SLC26A6: variants seen among roughly 807,000 people sequenced by gnomAD.
The protein encoded by SLC26A6 is solute carrier family 26 member 6.
SLC26A6 carries 67 observed loss-of-function variants against 87.1 expected under a neutral mutation model. The ratio of observed to expected loss-of-function variants is 0.77; its 90% confidence interval spans 0.63 to 0.94. The LOEUF (loss-of-function observed/expected upper bound fraction) is 0.94, where lower values mean the gene tolerates loss of function less well. SLC26A6 is among the 40% of genes least tolerant of loss of function. The pLI is 0.00. For missense variants in SLC26A6, 902 were observed against 973.0 expected (o/e 0.93, Z 0.97); for synonymous variants, 414 against 405.9 (o/e 1.02, Z -0.24).
intron 17 of SLC26A6, 23 bp downstream of exon 17, chr3:48,627,920 ACCT>A: frequency 6.4e-7 from 1 of 1,573,972 alleles, no homozygotes. Flanking sequence ...CACAGCTGTC[ACCT>A]CCTTTCCCAC....
Position 48,628,850 on chromosome 3 carries a change from C to G in SLC26A6, c.1600-136G>C, listed in dbSNP as rs1345513553. 9.8e-7 allele frequency: 1 copy of G among 1,018,502 alleles called. No individual in the cohort carries two copies. The highest frequency in any genetic ancestry group is 1.5e-6 in the Non-Finnish European group (1 of 682,824). 63.1% of individuals were successfully genotyped at this position (1,018,502 alleles called of 1,614,324 possible). A position where few individuals can be genotyped will look rare whatever the true frequency, so the allele number is the denominator to read the frequency against. ...CTGCTCCCCAGGCTGCAGTCCAGGC[C>G]CTCCCAGGGGCTTAGGCCACAAGCC... On this transcript the variant is annotated intron_variant, in intron 14 of 20. Coordinates refer to ENST00000395550, the MANE Select transcript of SLC26A6 (RefSeq NM_022911.3). The surrounding 1 kb of genome is among the most constrained non-coding windows in gnomAD (Gnocchi z 4.4).
Position 48,633,464 on chromosome 3 carries a change from A to G in SLC26A6, c.182+13T>C, listed in dbSNP as rs778953697. The stretch of plus-strand genomic sequence containing the variant: ...GCCCCGCCAGCGCCCCCAGGCCCCA[A>G]TCTTGGCCTTACTGCAACCAGGTCC... On this transcript the variant is annotated intron_variant, in intron 2 of 20. Coordinates refer to ENST00000395550, the MANE Select transcript of SLC26A6 (RefSeq NM_022911.3). 6.2e-6 allele frequency: 10 copies of G among 1,612,814 alleles called. No homozygotes were observed. Among genetic ancestry groups the G allele is most frequent in the South Asian group, 2.2e-5 (2 of 91,072 alleles).
intron 13 of SLC26A6, 21 bp from the exon 14 acceptor site, chr3:48,629,732 G>A (rs566697521): frequency 2.5e-6 from 4 of 1,612,114 alleles, no homozygotes; most frequent in East Asian, 2.2e-5. Flanking sequence ...GAGAGAGAAT[G>A]CACGAAGAGG....
chr3:48,631,474 G>T, intron 7 of SLC26A6, 168 bp from the exon 8 acceptor site: 1 of 1,087,438 alleles, frequency 9.2e-7, no homozygotes, highest in Non-Finnish European at 1.3e-6. Context: ...ATGGGGAGAT[G>T]CTGTCAGGGG....
In SLC26A6 at chr3:48,629,907, G is replaced by C. The variant is rs768825129; in HGVS notation, c.1494C>G (p.Ile498Met). 1.2e-6 allele frequency: 2 copies of C among 1,614,018 alleles called. No individual in the cohort carries two copies. The highest frequency in any genetic ancestry group is 1.7e-6 in the Non-Finnish European group (2 of 1,180,042). ...GGACCACCACGAGCAGCAGGGAGAA[G>C]ATGACCGCAACCACCAAGCCAAGGT... ...NLDLGLVVAV[I>M]FSLLLVVVRT... Residue 498 changes from isoleucine to methionine, a missense_variant, in exon 13 of 21, where the codon ATC becomes ATG. Ile to Met is a conservative substitution (Grantham distance 10). Around this residue, in one of 3 missense-constraint regions of SLC26A6, gnomAD observed 800 missense variants for 856.8 expected, o/e 0.93. Coordinates refer to ENST00000395550, the MANE Select transcript of SLC26A6 (RefSeq NM_022911.3).
In SLC26A6 at chr3:48,628,249, TG is replaced by T; in HGVS notation, c.1800+184del. On this transcript the variant is annotated intron_variant, in intron 16 of 20. Coordinates refer to ENST00000395550, the MANE Select transcript of SLC26A6 (RefSeq NM_022911.3). This position sits in a 1 kb window ranked among gnomAD's most constrained non-coding sequence, Gnocchi z 4.4. The stretch of plus-strand genomic sequence containing the variant: ...TTCTCACTGTCACTGGTTCAGATGA[TG>T]GGAGAGAAAATGCTGCCTAGAGCCC... 1.3e-6 allele frequency: 1 copy of T among 794,450 alleles called. No individual in the cohort carries two copies. Among genetic ancestry groups the T allele is most frequent in the Non-Finnish European group, 2.0e-6 (1 of 504,690 alleles). 49.2% of individuals were successfully genotyped at this position (794,450 alleles called of 1,614,324 possible).
At position 48,632,334 on chromosome 3, in the gene SLC26A6, A is replaced by C; in HGVS notation, c.496T>G (p.Leu166Val). The change falls in exon 5 of 21, where the codon TTG becomes GTG. Residue 166 changes from leucine to valine, a missense_variant. Around this residue, in one of 3 missense-constraint regions of SLC26A6, gnomAD observed 800 missense variants for 856.8 expected, o/e 0.93. Coordinates refer to ENST00000395550, the MANE Select transcript of SLC26A6 (RefSeq NM_022911.3). ...GTCTCATTGATCATGGAGTCGTTCA[A>C]GGCCTGCGGGGCCAGGGATTCTGTC... ...SVTESLAPQA[L>V]NDSMINETAR... The C allele has an allele frequency of 6.2e-7, 1 of 1,613,108 alleles. No homozygotes were observed. The highest frequency in any genetic ancestry group is 1.1e-5 in the South Asian group (1 of 90,964).
chr3:48,629,684 C>T lies in SLC26A6; in HGVS notation c.1557G>A (p.Val519=). ...QMPHYSVLGQ[V]PDTDIYRDVA... ...CATCTCTGTAAATATCCGTGTCTGG[C>T]ACCTGCCCCAGGACAGAGTAGTGGG... The change falls in exon 14 of 21, where the codon GTG becomes GTA. Residue 519 remains valine (V), a synonymous_variant. Coordinates refer to ENST00000395550, the MANE Select transcript of SLC26A6 (RefSeq NM_022911.3). 6.2e-7 allele frequency: 1 copy of T among 1,613,562 alleles called. No individual in the cohort carries two copies. The highest frequency in any genetic ancestry group is 2.2e-5 in the East Asian group (1 of 44,882).
Position 48,628,887 on chromosome 3 carries a change from T to C in SLC26A6, c.1600-173A>G, listed in dbSNP as rs959681592. On this transcript the variant is annotated intron_variant, in intron 14 of 20. Coordinates refer to ENST00000395550, the MANE Select transcript of SLC26A6 (RefSeq NM_022911.3). This position sits in a 1 kb window ranked among gnomAD's most constrained non-coding sequence, Gnocchi z 4.4. The stretch of plus-strand genomic sequence containing the variant: ...TTAGGCCACAAGCCCGACGGTGTCA[T>C]CCCCATCCCCCCACAGTGCCTCTCC... Among the ~76,000 whole-genome samples the C allele has an allele frequency of 1.6e-4, 24 of 152,084 alleles. No homozygotes were observed. Among genetic ancestry groups the C allele is most frequent in the African/African-American group, 5.8e-4 (24 of 41,482 alleles).
rs1170721258 is a variant in SLC26A6, at chr3:48,626,645, A to G, written c.2114T>C (p.Met705Thr). 3 of 1,613,970 alleles carry G rather than the reference A, an allele frequency of 1.9e-6. No homozygotes were observed. The highest frequency in any genetic ancestry group is 2.5e-6 in the Non-Finnish European group (3 of 1,180,020). The change falls in exon 19 of 21, where the codon ATG becomes ACG. Residue 705 changes from methionine to threonine, a missense_variant. By Grantham distance (81) the Met-to-Thr change is moderately conservative (BLOSUM62 -1). Transcript: ENST00000395550. Reference sequence around the variant, plus strand: ...ACCCTACTCACTGTGGCAGGCCGCCATGTACACCTCCACCTCAATCTCCCG... The same window carrying G: ...ACCCTACTCACTGTGGCAGGCCGCCGTGTACACCTCCACCTCAATCTCCCG... ...DFREIEVEVY[M>T]AACHSPVVSQ...
In SLC26A6 at chr3:48,633,406, G is replaced by A; in HGVS notation, c.183-16C>T. On this transcript the variant is annotated splice_polypyrimidine_tract_variant and intron_variant, in intron 2 of 20. Coordinates refer to ENST00000395550, the MANE Select transcript of SLC26A6 (RefSeq NM_022911.3). Reference sequence around the variant, plus strand: ...ACGGGAGCACCTAGGGACATGATATGAGGGGTAGGTGTCAGGAACAGGGGC... The same window carrying A: ...ACGGGAGCACCTAGGGACATGATATAAGGGGTAGGTGTCAGGAACAGGGGC... The A allele has an allele frequency of 6.2e-7, 1 of 1,613,130 alleles. No individual in the cohort carries two copies. The highest frequency in any genetic ancestry group is 8.5e-7 in the Non-Finnish European group (1 of 1,179,888).
rs560183743 is a variant in SLC26A6 at position 48,628,978 on chromosome 3, C to T, written c.1600-264G>A. 2.0e-5 allele frequency among the ~76,000 whole-genome samples: 3 copies of T among 152,280 alleles called. No homozygotes were observed. In the South Asian group the frequency reaches 6.2e-4, roughly 32 times the overall value. Reference sequence around the variant, plus strand: ...GCTCTTAACCTTTCTCTTGGGTTTCCAACCCCTGCCTTGTGTTCTGTTTTC... The same window carrying T: ...GCTCTTAACCTTTCTCTTGGGTTTCTAACCCCTGCCTTGTGTTCTGTTTTC... On this transcript the variant is annotated intron_variant, in intron 14 of 20. Coordinates refer to ENST00000395550, the MANE Select transcript of SLC26A6 (RefSeq NM_022911.3). The surrounding 1 kb of genome is among the most constrained non-coding windows in gnomAD (Gnocchi z 4.4).
At position 48,631,819 on chromosome 3, in the gene SLC26A6, C is replaced by A; in HGVS notation, c.751-18G>T. On this transcript the variant is annotated intron_variant, in intron 6 of 20. Coordinates refer to ENST00000395550, the MANE Select transcript of SLC26A6 (RefSeq NM_022911.3). ...AGCACTGTCTGAGGAGAGGCCAGGT[C>A]ACAGCTAGCACTCAAGGCCATGGGG... 2 of 1,613,136 alleles carry A rather than the reference C, an allele frequency of 1.2e-6. No homozygotes were observed. The highest frequency in any genetic ancestry group is 2.2e-5 in the South Asian group (2 of 91,072).
rs111328728 is a variant in SLC26A6 at position 48,628,701 on chromosome 3, C to T, written c.1613G>A (p.Arg538Gln). The T allele has an allele frequency of 3.2e-5, 52 of 1,613,224 alleles. No individual in the cohort carries two copies. In the Admixed American group the frequency reaches 4.7e-4, roughly 14 times the overall value. Residue 538 changes from arginine (R) to glutamine (Q), a missense_variant, in exon 15 of 21, where the codon CGG becomes CAG. Arg to Gln is a conservative substitution (Grantham distance 43). Around this residue, in one of 3 missense-constraint regions of SLC26A6, gnomAD observed 800 missense variants for 856.8 expected, o/e 0.93. Transcript: ENST00000395550. This position sits in a 1 kb window ranked among gnomAD's most constrained non-coding sequence, Gnocchi z 4.4. Reference sequence around the variant, plus strand: ...CGAGGAGCGGAAGACCTTCACCCCCCGGACTTCCTTGGCCTGGGGATGAGG... The same window carrying T: ...CGAGGAGCGGAAGACCTTCACCCCCTGGACTTCCTTGGCCTGGGGATGAGG... ...VAEYSEAKEV[R>Q]GVKVFRSSAT...
Position 48,631,998 on chromosome 3 carries a change from G to C in SLC26A6, c.632C>G (p.Ser211Ter). Residue 211 changes from serine (S) to a stop codon, truncating the protein, a stop_gained, in exon 6 of 21, where the codon TCA (serine) becomes TGA (stop). Coordinates refer to ENST00000395550, the MANE Select transcript of SLC26A6 (RefSeq NM_022911.3). LOFTEE classifies it high-confidence loss of function. The stretch of plus-strand genomic sequence containing the variant: ...GGTATAGCCTCGGACAAGAGGTTCT[G>C]ACAGGTAGGTGACCACGAAGCCGAA... ...IHFGFVVTYL[S>*]EPLVRGYTTA... is the part of the protein sequence containing the mutation. 1 of 1,613,540 alleles carries C rather than the reference G, an allele frequency of 6.2e-7. No homozygotes were observed. The highest frequency in any genetic ancestry group is 1.1e-5 in the South Asian group (1 of 91,078).
chr3:48,626,678 T>G lies in SLC26A6; in HGVS notation c.2081A>C (p.His694Pro). The change falls in exon 19 of 21, where the codon CAT becomes CCT. Residue 694 changes from histidine (H) to proline (P), a missense_variant. By Grantham distance (77) the His-to-Pro change is moderately conservative. This residue lies in a region of SLC26A6 where 99 missense variants were observed against 100.1 expected (regional missense o/e 0.99). Coordinates refer to ENST00000395550, the MANE Select transcript of SLC26A6 (RefSeq NM_022911.3). ...CTCCACCTCAATCTCCCGGAAGTCA[T>G]GGAAAATCTGTAGCGGAAAAGGGGG... ...VCLKSLKNIFHDFREIEVEVY... is the reference protein window; with the variant it reads ...VCLKSLKNIFPDFREIEVEVY... 1.2e-6 allele frequency: 2 copies of G among 1,613,866 alleles called. No homozygotes were observed. The highest frequency in any genetic ancestry group is 1.7e-6 in the Non-Finnish European group (2 of 1,179,968).
In SLC26A6 at chr3:48,626,871, C is replaced by T. The variant is rs1331205213; in HGVS notation, c.2073+5G>A. ...CGAGGGGCCTTGGCCTGCCCCCGTCCTTACATTCTTCAGGCTCTTGAGGCA... is the reference window on the plus strand; with the variant it reads ...CGAGGGGCCTTGGCCTGCCCCCGTCTTTACATTCTTCAGGCTCTTGAGGCA... On this transcript the variant is annotated splice_donor_5th_base_variant and intron_variant, in intron 18 of 20. Transcript: ENST00000395550. 3 of 1,612,596 alleles carry T rather than the reference C, an allele frequency of 1.9e-6. No homozygotes were observed. The highest frequency in any genetic ancestry group is 2.2e-5 in the South Asian group (2 of 90,940).
Position 48,627,000 on chromosome 3 carries a change from G to GATTGT in SLC26A6, c.1948_1949insACAAT (p.Ser650TyrfsTer11). On this transcript the variant is annotated frameshift_variant, in exon 18 of 21. Coordinates refer to ENST00000395550, the MANE Select transcript of SLC26A6 (RefSeq NM_022911.3). LOFTEE classifies it high-confidence loss of function. ...CAGTGTGGACCCATCTGGGGCCTTG[G>GATTGT]AGTCTTCTTGACCATTGGCTGTTGC... 6.2e-6 allele frequency: 10 copies of GATTGT among 1,614,230 alleles called. No homozygotes were observed. Among genetic ancestry groups the GATTGT allele is most frequent in the Non-Finnish European group, 8.5e-6 (10 of 1,180,044 alleles).
At chr3:48,634,109 A>G (rs775251648) in intron 1 of SLC26A6, 12 of 179,742 alleles carry the variant, frequency 6.7e-5, no homozygotes, top group Non-Finnish European at 1.4e-4. Context: ...CAGGCCTCAG[A>G]TGAGACCCTC....
Sources: allele counts gnomAD v4.1 joint callset (sites outside exome capture counted in the v4.1 genomes callset), GRCh38; gene constraint gnomAD v4.1.1; regional missense constraint gnomAD v4.1.1; non-coding constraint Gnocchi (gnomAD v3.1); transcripts MANE v1.5; gene names NCBI Gene and HGNC (gene_info 2026-07-23, HGNC 2026-07-21).